TMEM178B: variants seen among roughly 807,000 people sequenced by gnomAD.
The protein encoded by TMEM178B is transmembrane protein 178B.
TMEM178B carries 5 observed loss-of-function variants against 31.0 expected under a neutral mutation model. The observed-to-expected ratio is 0.16, with a 90% CI of 0.08 to 0.34. TMEM178B has a LOEUF of 0.34. TMEM178B is among the 10% of genes least tolerant of loss of function. The probability of loss-of-function intolerance (pLI) is 1.00; values close to 1 mark genes in which losing one functional copy is unlikely to be tolerated. For synonymous variants in TMEM178B, 164 were observed against 164.0 expected, an observed-to-expected ratio of 1.00 and a Z score of 0.00; for missense variants, 275 against 400.3, an observed-to-expected ratio of 0.69 and a Z score of 2.67.
intron 2 of TMEM178B, among the ~76,000 whole-genome samples, chr7:141,401,107 T>G (rs1487498057): frequency 6.6e-6 from 1 of 152,206 alleles, no homozygotes; most frequent in African/African-American, 2.4e-5. Flanking sequence ...AGCCTCTTCT[T>G]CATCCTCAGG....
chr7:141,344,593 T>C lies in TMEM178B; in HGVS notation c.497-93015T>C, dbSNP rs1799581352. Among the ~76,000 whole-genome samples the C allele has an allele frequency of 7.6e-6, 1 of 131,334 alleles. No homozygotes were observed. The highest frequency in any genetic ancestry group is 1.7e-5 in the Non-Finnish European group (1 of 59,702). 86.2% of individuals were successfully genotyped at this position (131,334 alleles called of 152,430 possible). ...CCTCCTCCCTTCCTTCCTTCCTTCC[T>C]TCCTTCCTTCCTTCCTTCCTTCCTT... On this transcript the variant is annotated intron_variant, in intron 2 of 3. Transcript: ENST00000565468. The surrounding 1 kb of genome is among the most constrained non-coding windows in gnomAD (Gnocchi z 4.1).
intron 2 of TMEM178B, among the ~76,000 whole-genome samples, chr7:141,225,787 C>T (rs988311258): frequency 1.3e-5 from 2 of 152,150 alleles, no homozygotes; most frequent in Non-Finnish European, 2.9e-5. Flanking sequence ...GTAGCCAGCC[C>T]CTGATACAAG....
chr7:141,291,974 CT>C (rs1222310672), intron 2 of TMEM178B, among the ~76,000 whole-genome samples: 6 of 148,596 alleles, frequency 4.0e-5, no homozygotes, highest in African/African-American at 1.5e-4. Flanking sequence ...GCTCTTTTCC[CT>C]TTCCTTATTG....
intron 2 of TMEM178B, among the ~76,000 whole-genome samples, chr7:141,359,837 G>C (rs567297711): frequency 6.6e-6 from 1 of 152,310 alleles, no homozygotes; most frequent in Admixed American, 6.5e-5. Context: ...TGGACTCACA[G>C]TTCTACGTGG....
chr7:141,077,209 C>T (rs532533922), intron 1 of TMEM178B, among the ~76,000 whole-genome samples: 7 of 152,212 alleles, frequency 4.6e-5, no homozygotes, highest in Non-Finnish European at 1.0e-4. Flanking sequence ...AGATGTTTAT[C>T]TCACATTATT....
intron 1 of TMEM178B, among the ~76,000 whole-genome samples, chr7:141,187,047 C>A (rs1260410606): frequency 6.6e-6 from 1 of 150,578 alleles, no homozygotes; most frequent in African/African-American, 2.4e-5. Context: ...CACATTAACT[C>A]GTCATTTAGC....
chr7:141,087,105 T>G (rs982872628), intron 1 of TMEM178B, among the ~76,000 whole-genome samples: 6 of 152,224 alleles, frequency 3.9e-5, no homozygotes, highest in Non-Finnish European at 7.3e-5. Context: ...GGTAAAATTT[T>G]ATTCAGATTG....
rs577406931 is a variant in TMEM178B at position 141,292,244 on chromosome 7, A to C, written c.496+79540A>C. ...CAGAATATTTATGCATATGGAGCAC[A>C]GCTGCAAACTTGTTGAATTTCTCCC... On this transcript the variant is annotated intron_variant, in intron 2 of 3. Transcript: ENST00000565468. 1.2e-4 allele frequency among the ~76,000 whole-genome samples: 19 copies of C among 152,372 alleles called. 1 individual carries two copies. The highest frequency in any genetic ancestry group is 1.1e-3 in the Admixed American group (17 of 15,308).
intron 2 of TMEM178B, among the ~76,000 whole-genome samples, chr7:141,349,652 A>G (rs745336935): frequency 6.6e-6 from 1 of 152,208 alleles, no homozygotes; most frequent in Non-Finnish European, 1.5e-5. Flanking sequence ...CAATCGTTTC[A>G]TGGAACAAAG....
chr7:141,408,200 C>T (rs116392779), intron 2 of TMEM178B, among the ~76,000 whole-genome samples: 3,256 of 152,112 alleles, frequency 0.021, 46 homozygotes, highest in Middle Eastern at 0.034. Flanking sequence ...AAAAGGTGAA[C>T]CTATAATCCC....
At chr7:141,277,371 C>G (rs1011747518) in intron 2 of TMEM178B, among the ~76,000 whole-genome samples, 2 of 151,974 alleles carry the variant, frequency 1.3e-5, no homozygotes, top group African/African-American at 4.8e-5. Context: ...TAGCCTAGGC[C>G]TGCATAGGGT....
At chr7:141,252,107 G>T (rs1003943148) in intron 2 of TMEM178B, among the ~76,000 whole-genome samples, 2 of 152,208 alleles carry the variant, frequency 1.3e-5, no homozygotes, top group African/African-American at 2.4e-5. Flanking sequence ...GAAGTCACTA[G>T]AAGTACTAAT....
chr7:141,215,971 C>G (rs1429915527), intron 2 of TMEM178B, among the ~76,000 whole-genome samples: 1 of 148,762 alleles, frequency 6.7e-6, no homozygotes, highest in Non-Finnish European at 1.5e-5. Flanking sequence ...GCTGGGATTA[C>G]AGGCATGTGC....
intron 2 of TMEM178B, chr7:141,416,090 G>C (rs4726452): frequency 0.31 from 47,251 of 152,654 alleles, 7,586 homozygotes; most frequent in Non-Finnish European, 0.33. Flanking sequence ...CTGCTTTCTT[G>C]CAGTTCCAAA....
chr7:141,321,040 G>A (rs1417306232), intron 2 of TMEM178B, among the ~76,000 whole-genome samples: 1 of 152,166 alleles, frequency 6.6e-6, no homozygotes. Context: ...CCCATTCACG[G>A]CCACTGGTGG....
At chr7:141,405,753 G>A (rs1318069670) in intron 2 of TMEM178B, among the ~76,000 whole-genome samples, 1 of 152,182 alleles carries the variant, frequency 6.6e-6, no homozygotes, top group Non-Finnish European at 1.5e-5. Context: ...AAAAGGAGGA[G>A]GCAGGGGCCT....
At chr7:141,104,706 C>T (rs535049429) in intron 1 of TMEM178B, among the ~76,000 whole-genome samples, 7 of 152,262 alleles carry the variant, frequency 4.6e-5, no homozygotes, top group South Asian at 4.2e-4. Flanking sequence ...TTGGCAGGGC[C>T]GGTTTCTCCA....
At chr7:141,098,250 A>T (rs879875655) in intron 1 of TMEM178B, among the ~76,000 whole-genome samples, 3 of 152,182 alleles carry the variant, frequency 2.0e-5, no homozygotes, top group Non-Finnish European at 4.4e-5. Context: ...TGCCACTTGA[A>T]ACTTTTGGTA....
chr7:141,187,394 A>G (rs1796627656), intron 1 of TMEM178B, among the ~76,000 whole-genome samples: 1 of 152,126 alleles, frequency 6.6e-6, no homozygotes. Context: ...TAGTGCCGCT[A>G]TAAACATACG....
Sources: gnomAD v4.1 joint callset for allele counts (sites outside exome capture counted in the v4.1 genomes callset) on GRCh38, gnomAD v4.1.1 for gene constraint, Gnocchi (gnomAD v3.1) non-coding constraint, MANE v1.5 for transcripts, NCBI Gene and HGNC (gene_info 2026-07-23, HGNC 2026-07-21) for gene names.